The following COL8A1 variants were observed in gnomAD, a reference collection of about 807,000 sequenced individuals.
The protein encoded by COL8A1 is collagen alpha-1(VIII) chain.
In COL8A1, 21 loss-of-function variants were observed where a neutral mutation model predicts 42.7. The ratio of observed to expected loss-of-function variants is 0.49; its 90% CI spans 0.35 to 0.71. The LOEUF (loss-of-function observed/expected upper bound fraction) is 0.71. COL8A1 is among the 30% of genes least tolerant of loss of function. The pLI is 0.01. For synonymous variants in COL8A1, 367 were observed against 369.1 expected (o/e 0.99, Z 0.06); for missense variants, 788 against 962.4 (o/e 0.82, Z 2.40).
chr3:99,737,142 G>A (rs1171873809), intron 1 of COL8A1, among the ~76,000 whole-genome samples: 3 of 152,064 alleles, frequency 2.0e-5, no homozygotes, highest in African/African-American at 7.2e-5. Flanking sequence ...ACGTGAGATG[G>A]GTTTCCTGAA....
chr3:99,780,270 A>G (rs1941770938), intron 2 of COL8A1, among the ~76,000 whole-genome samples: 1 of 152,234 alleles, frequency 6.6e-6, no homozygotes, highest in Non-Finnish European at 1.5e-5. Flanking sequence ...AGACAGGTTA[A>G]GTAACTTGCT....
intron 1 of COL8A1, among the ~76,000 whole-genome samples, chr3:99,738,177 C>G (rs1233047171): frequency 1.4e-4 from 21 of 152,178 alleles, no homozygotes; most frequent in South Asian, 6.2e-4. Flanking sequence ...TGAATGTCCT[C>G]CCATAGCTCA....
At chr3:99,757,493 A>T (rs532849331) in intron 2 of COL8A1, among the ~76,000 whole-genome samples, 6 of 152,306 alleles carry the variant, frequency 3.9e-5, no homozygotes, top group South Asian at 4.1e-4. Context: ...AAATAACTAC[A>T]TAATTGTCAG....
chr3:99,771,005 C>T (rs894740265), intron 2 of COL8A1, among the ~76,000 whole-genome samples: 9 of 152,158 alleles, frequency 5.9e-5, no homozygotes, highest in African/African-American at 2.2e-4. Context: ...GAAAAGGGGC[C>T]ATTCATGTGC....
intron 1 of COL8A1, among the ~76,000 whole-genome samples, chr3:99,713,037 C>A (rs1027736117): frequency 1.3e-5 from 2 of 152,056 alleles, no homozygotes; most frequent in Admixed American, 6.6e-5. Flanking sequence ...AAAAGAGTAA[C>A]AAAAATTCTG....
At chr3:99,769,333 C>G (rs1941532910) in intron 2 of COL8A1, among the ~76,000 whole-genome samples, 1 of 152,248 alleles carries the variant, frequency 6.6e-6, no homozygotes. Context: ...CTGACATAGA[C>G]TGCCATCATT....
chr3:99,732,422 G>A (rs1175665952), intron 1 of COL8A1, among the ~76,000 whole-genome samples: 1 of 152,086 alleles, frequency 6.6e-6, no homozygotes, highest in African/African-American at 2.4e-5. Flanking sequence ...TACAATCATG[G>A]TGAAACGGGA....
intron 2 of COL8A1, among the ~76,000 whole-genome samples, chr3:99,788,098 C>A (rs1363714225): frequency 1.3e-5 from 2 of 152,040 alleles, no homozygotes; most frequent in South Asian, 2.1e-4. Flanking sequence ...TTTGGGAGAA[C>A]CCCCATACCA....
At chr3:99,725,081 C>T (rs1333409757) in intron 1 of COL8A1, among the ~76,000 whole-genome samples, 1 of 152,056 alleles carries the variant, frequency 6.6e-6, no homozygotes, top group African/African-American at 2.4e-5. Flanking sequence ...CAATAAACAA[C>T]AGCTGTTACT....
At chr3:99,663,049 A>T (rs1257630966) in intron 1 of COL8A1, among the ~76,000 whole-genome samples, 9 of 152,244 alleles carry the variant, frequency 5.9e-5, no homozygotes, top group Non-Finnish European at 4.4e-5. Flanking sequence ...ATATTTGATC[A>T]CAAGTCCTGA....
At chr3:99,653,622 C>T (rs1937920981) in intron 1 of COL8A1, among the ~76,000 whole-genome samples, 1 of 151,358 alleles carries the variant, frequency 6.6e-6, no homozygotes, top group African/African-American at 2.4e-5. Context: ...GTGGCATCAC[C>T]AGGAAAAATG....
At chr3:99,659,868 G>A (rs945030891) in intron 1 of COL8A1, among the ~76,000 whole-genome samples, 4 of 152,080 alleles carry the variant, frequency 2.6e-5, no homozygotes, top group Admixed American at 6.5e-5. Flanking sequence ...GCCATTTGAA[G>A]TCAGCGTACT....
chr3:99,735,898 G>A (rs148350589), intron 1 of COL8A1, among the ~76,000 whole-genome samples: 2 of 151,680 alleles, frequency 1.3e-5, no homozygotes, highest in African/African-American at 4.8e-5. Flanking sequence ...ATGTGTCAAG[G>A]AATTTATCCA....
Position 99,795,670 on chromosome 3 carries a change from T to G in COL8A1, c.1769T>G (p.Leu590Arg), listed in dbSNP as rs987871878. ...GGAGAGTATCTGCCAGATATGGGGC[T>G]GGGAATTGATGGCGTGAAACCCCCC... The part of the protein sequence containing the change: ...PQGEYLPDMG[L>R]GIDGVKPPHA... The change falls in exon 4 of 4, where the codon CTG becomes CGG. Residue 590 changes from leucine (L) to arginine (R), a missense_variant. Coordinates refer to ENST00000652472, the MANE Select transcript of COL8A1 (RefSeq NM_020351.4). 1.2e-6 allele frequency: 2 copies of G among 1,613,826 alleles called. No homozygotes were observed. Among genetic ancestry groups the G allele is most frequent in the Non-Finnish European group, 1.7e-6 (2 of 1,179,894 alleles).
chr3:99,744,779 T>C (rs1940987095), intron 1 of COL8A1, 118 bp from the exon 2 acceptor site: 1 of 152,220 alleles, frequency 6.6e-6, no homozygotes, highest in African/African-American at 2.4e-5. Flanking sequence ...AATAAACTAA[T>C]AGCATTTTAT....
intron 1 of COL8A1, among the ~76,000 whole-genome samples, chr3:99,707,886 A>G (rs1331476678): frequency 6.6e-6 from 1 of 152,124 alleles, no homozygotes; most frequent in Non-Finnish European, 1.5e-5. Context: ...TAACCCCATG[A>G]GACAGATAGT....
chr3:99,778,632 C>T (rs1372043802), intron 2 of COL8A1, among the ~76,000 whole-genome samples: 3 of 151,606 alleles, frequency 2.0e-5, no homozygotes, highest in South Asian at 2.1e-4. Context: ...AAAAAAGGCA[C>T]TCTTTATTAA....
intron 1 of COL8A1, among the ~76,000 whole-genome samples, chr3:99,736,058 C>A (rs1438872111): frequency 2.0e-5 from 3 of 151,692 alleles, no homozygotes; most frequent in African/African-American, 7.3e-5. Flanking sequence ...CTTTATTAGT[C>A]TTGCTAGCGG....
At chr3:99,783,603 T>C (rs1941836495) in intron 2 of COL8A1, among the ~76,000 whole-genome samples, 1 of 152,186 alleles carries the variant, frequency 6.6e-6, no homozygotes, top group African/African-American at 2.4e-5. Context: ...GGGTAATTTA[T>C]AAAGAAAGGA....
Sources: gnomAD v4.1 joint callset for allele counts (sites outside exome capture counted in the v4.1 genomes callset) on GRCh38, gnomAD v4.1.1 for gene constraint, MANE v1.5 for transcripts, NCBI Gene and HGNC (gene_info 2026-07-23, HGNC 2026-07-21) for gene names.